Variants in ACOT13 observed in about 807,000 individuals in gnomAD.
ACOT13 encodes the protein acyl-CoA thioesterase 13.
Under a neutral mutation model 11.8 loss-of-function variants are expected in ACOT13, and 10 were observed. The observed-to-expected ratio is 0.85, with a 90% CI of 0.53 to 1.44. ACOT13 has a LOEUF of 1.44. Ranked by LOEUF, ACOT13 falls within the 40% of genes most tolerant of loss-of-function variation. The pLI, the probability that ACOT13 is intolerant of heterozygous loss-of-function variation, is 0.00. For synonymous variants in ACOT13, 53 were observed against 61.0 expected (o/e 0.87, Z 0.61); for missense variants, 172 against 174.1 (o/e 0.99, Z 0.07).
intron 1 of ACOT13, chr6:24,687,569 C>A: frequency 2.1e-6 from 3 of 1,443,494 alleles, no homozygotes; most frequent in East Asian, 2.6e-5. Context: ...AAGGTGAATA[C>A]CTGAATGAGA....
intron 1 of ACOT13, among the ~76,000 whole-genome samples, chr6:24,689,820 A>G (rs1778694928): frequency 3.3e-5 from 5 of 152,186 alleles, no homozygotes; most frequent in Non-Finnish European, 7.3e-5. Context: ...GAAGTAATGA[A>G]CTCAAGAGTT....
chr6:24,682,216 AAGGAT>A (rs1156615598), intron 1 of ACOT13, among the ~76,000 whole-genome samples: 1 of 152,168 alleles, frequency 6.6e-6, no homozygotes, highest in East Asian at 1.9e-4. Flanking sequence ...AATTCTAAGG[AAGGAT>A]AGGACAGAAT....
intron 1 of ACOT13, among the ~76,000 whole-genome samples, chr6:24,674,606 G>C (rs1242713009): frequency 6.6e-6 from 1 of 151,810 alleles, no homozygotes; most frequent in Non-Finnish European, 1.5e-5. Context: ...AGTAGAGACA[G>C]GGTTTCACCA....
intron 1 of ACOT13, among the ~76,000 whole-genome samples, chr6:24,697,141 C>T (rs1778808605): frequency 6.6e-6 from 1 of 152,164 alleles, no homozygotes; most frequent in Non-Finnish European, 1.5e-5. Flanking sequence ...TTTCCTTATA[C>T]TTACTATAAA....
intron 1 of ACOT13, among the ~76,000 whole-genome samples, chr6:24,668,982 T>C (rs184953045): frequency 6.6e-6 from 1 of 152,246 alleles, no homozygotes; most frequent in African/African-American, 2.4e-5. Context: ...AATTTAGTTC[T>C]AGGAAGTCAG....
At position 24,703,670 on chromosome 6, in the gene ACOT13, G is replaced by T. The variant is rs887256353; in HGVS notation, c.*2055G>T. The T allele has an allele frequency of 1.3e-5, 2 of 152,190 alleles. No homozygotes were observed. The highest frequency in any genetic ancestry group is 4.8e-5 in the African/African-American group (2 of 41,434). The allele number at this position is 152,190 out of a possible 1,614,324, so 9.4% of individuals were successfully genotyped here. A position where few individuals can be genotyped will look rare whatever the true frequency, so the allele number is the denominator to read the frequency against. On this transcript the variant is annotated 3_prime_UTR_variant, in exon 3 of 3. Coordinates refer to ENST00000230048, the MANE Select transcript of ACOT13 (RefSeq NM_018473.4). ...CTATTTTGTAACCATCATAGTTAAA[G>T]ACTGGTTTGGGTTTTAGTCTGGAAA...
In ACOT13 at chr6:24,667,083, C is replaced by T; in HGVS notation, c.-181C>T. On this transcript the variant is annotated 5_prime_UTR_variant, in exon 1 of 3. Transcript: ENST00000230048. ...CAAGGGTGCGAGGAAAGTCAGTGAG[C>T]AAATCGCGGACCACCGGGGCTGCCA... 1.2e-6 allele frequency: 1 copy of T among 849,548 alleles called. No homozygotes were observed. The allele number at this position is 849,548 out of a possible 1,614,324, so 52.6% of individuals were successfully genotyped here.
rs773776913 is a variant in ACOT13 at position 24,694,538 on chromosome 6, A to T, written c.82-3345A>T. Among the ~76,000 whole-genome samples the T allele has an allele frequency of 2.8e-4, 42 of 152,212 alleles. 1 individual carries two copies. Among genetic ancestry groups the T allele is most frequent in the Non-Finnish European group, 2.8e-4 (19 of 68,044 alleles). On this transcript the variant is annotated intron_variant, in intron 1 of 2. Transcript: ENST00000230048. ...AACATGGAGTTAGCTATGTTGATAT[A>T]ACTGAATAAACAAGTGTGTGCCCTA...
At chr6:24,688,916 G>C (rs1778678956) in intron 1 of ACOT13, among the ~76,000 whole-genome samples, 1 of 152,070 alleles carries the variant, frequency 6.6e-6, no homozygotes, top group Non-Finnish European at 1.5e-5. Flanking sequence ...GACTGTAATA[G>C]GTAAGTAGGC....
chr6:24,693,855 T>C (rs1778753270), intron 1 of ACOT13, among the ~76,000 whole-genome samples: 1 of 151,838 alleles, frequency 6.6e-6, no homozygotes, highest in Admixed American at 6.6e-5. Flanking sequence ...TCCCAAGTAG[T>C]TGGGATTATA....
intron 2 of ACOT13, among the ~76,000 whole-genome samples, chr6:24,699,233 G>A (rs1439646701): frequency 1.5e-4 from 21 of 141,336 alleles, no homozygotes; most frequent in Admixed American, 1.2e-3. Flanking sequence ...TTTTTGAGAC[G>A]GAGTCTCGCT....
chr6:24,694,360 T>A (rs1450024449), intron 1 of ACOT13, among the ~76,000 whole-genome samples: 1 of 152,140 alleles, frequency 6.6e-6, no homozygotes, highest in Non-Finnish European at 1.5e-5. Flanking sequence ...CAGGTGATAT[T>A]TGAGGGTAGG....
At position 24,701,649 on chromosome 6, in the gene ACOT13, A is replaced by G; in HGVS notation, c.*34A>G. 6.4e-7 allele frequency: 1 copy of G among 1,562,124 alleles called. No individual in the cohort carries two copies. The highest frequency in any genetic ancestry group is 8.7e-7 in the Non-Finnish European group (1 of 1,151,538). ...CAGAATGACCTAAAGAAACCCAACAATGAATATCAAGTATAGATTTGACTC... is the reference window on the plus strand; with the variant it reads ...CAGAATGACCTAAAGAAACCCAACAGTGAATATCAAGTATAGATTTGACTC... On this transcript the variant is annotated 3_prime_UTR_variant, in exon 3 of 3. Coordinates refer to ENST00000230048, the MANE Select transcript of ACOT13 (RefSeq NM_018473.4).
chr6:24,671,045 A>G (rs1778354505), intron 1 of ACOT13, among the ~76,000 whole-genome samples: 1 of 152,178 alleles, frequency 6.6e-6, no homozygotes, highest in South Asian at 2.1e-4. Context: ...ATTGTGGAAG[A>G]CACTGTGGTG....
At chr6:24,680,355 A>G (rs1255328097) in intron 1 of ACOT13, among the ~76,000 whole-genome samples, 1 of 152,110 alleles carries the variant, frequency 6.6e-6, no homozygotes, top group Non-Finnish European at 1.5e-5. Flanking sequence ...TGAGGGTCAA[A>G]TTGGTCCTTA....
chr6:24,667,130 T>C lies in ACOT13; in HGVS notation c.-134T>C. 1 of 983,008 alleles carries C rather than the reference T, an allele frequency of 1.0e-6. No homozygotes were observed. The highest frequency in any genetic ancestry group is 1.5e-6 in the Non-Finnish European group (1 of 666,914). The allele number at this position is 983,008 out of a possible 1,614,324, so 60.9% of individuals were successfully genotyped here. ...GCCAGCTCGCCTGACTCCCGGCCTC[T>C]TGCGCTCCTAGGGGCGGAGAAGGGT... On this transcript the variant is annotated 5_prime_UTR_variant, in exon 1 of 3. Coordinates refer to ENST00000230048, the MANE Select transcript of ACOT13 (RefSeq NM_018473.4).
intron 1 of ACOT13, among the ~76,000 whole-genome samples, chr6:24,688,729 AATT>A (rs1250992352): frequency 2.6e-5 from 4 of 152,164 alleles, no homozygotes; most frequent in South Asian, 2.1e-4. Context: ...TAGAAATTTC[AATT>A]GTTTATTTTT....
intron 1 of ACOT13, among the ~76,000 whole-genome samples, chr6:24,694,971 A>G (rs564552185): frequency 6.6e-6 from 1 of 152,320 alleles, no homozygotes; most frequent in South Asian, 2.1e-4. Context: ...AGGTAATCAA[A>G]TGGAACTTTA....
chr6:24,692,786 T>C (rs1309628160), intron 1 of ACOT13, among the ~76,000 whole-genome samples: 1 of 152,234 alleles, frequency 6.6e-6, no homozygotes, highest in Non-Finnish European at 1.5e-5. Context: ...ACATTATCTC[T>C]ATCAATGGGG....
Sources: gnomAD v4.1 joint callset for allele counts (sites outside exome capture counted in the v4.1 genomes callset) on GRCh38, gnomAD v4.1.1 for gene constraint, MANE v1.5 for transcripts, NCBI Gene and HGNC (gene_info 2026-07-23, HGNC 2026-07-21) for gene names.